The following NKAIN2 variants were observed in gnomAD, a reference collection of about 807,000 sequenced individuals.
NKAIN2 encodes sodium/potassium transporting ATPase interacting 2.
NKAIN2 carries 14 observed loss-of-function variants against 32.6 expected under a neutral mutation model. That is an observed-to-expected ratio of 0.43 (90% CI 0.28 to 0.67). NKAIN2 has a LOEUF of 0.67. NKAIN2 is among the 30% of genes least tolerant of loss of function. NKAIN2 has a pLI of 0.17. For synonymous variants in NKAIN2, 80 were observed against 87.2 expected (o/e 0.92, Z 0.46); for missense variants, 198 against 258.3 (o/e 0.77, Z 1.60).
chr6:124,133,596 GA>G (rs977226672), intron 1 of NKAIN2, among the ~76,000 whole-genome samples: 20 of 151,854 alleles, frequency 1.3e-4, no homozygotes, highest in Admixed American at 3.3e-4. Context: ...ATAAACACCA[GA>G]AAAAAAATTA....
At chr6:124,215,039 A>G (rs1344416727) in intron 1 of NKAIN2, among the ~76,000 whole-genome samples, 1 of 152,198 alleles carries the variant, frequency 6.6e-6, no homozygotes, top group East Asian at 1.9e-4. Context: ...GAAAAGAGAA[A>G]TAAATCAGAA....
At chr6:124,122,747 A>G (rs1404456333) in intron 1 of NKAIN2, among the ~76,000 whole-genome samples, 1 of 152,138 alleles carries the variant, frequency 6.6e-6, no homozygotes, top group East Asian at 1.9e-4. Flanking sequence ...TTAAAGTTTA[A>G]TAAGATAGTC....
chr6:124,309,198 C>T lies in NKAIN2; in HGVS notation c.192+26056C>T, dbSNP rs534203998. Among the ~76,000 whole-genome samples the T allele has an allele frequency of 3.3e-5, 5 of 152,226 alleles. No homozygotes were observed. The South Asian group carries it at 8.3e-4, about 25-fold the overall frequency. On this transcript the variant is annotated intron_variant, in intron 2 of 6. Transcript: ENST00000368417. The stretch of plus-strand genomic sequence containing the variant: ...TTTGGGAGTCCTCAAATCCAAACCA[C>T]TAATTTTAGATGAGTTATTGGAAGC...
At chr6:124,396,076 A>C (rs1336515016) in intron 3 of NKAIN2, among the ~76,000 whole-genome samples, 1 of 152,010 alleles carries the variant, frequency 6.6e-6, no homozygotes, top group Non-Finnish European at 1.5e-5. Context: ...TTATATATAC[A>C]TATCTCCAGG....
chr6:124,552,235 G>A (rs927283777), intron 3 of NKAIN2, among the ~76,000 whole-genome samples: 5 of 152,132 alleles, frequency 3.3e-5, no homozygotes, highest in Admixed American at 2.6e-4. Context: ...CAAACATGAG[G>A]GTAATTATTA....
intron 1 of NKAIN2, among the ~76,000 whole-genome samples, chr6:124,269,308 CA>C (rs1794638933): frequency 6.6e-6 from 1 of 152,124 alleles, no homozygotes; most frequent in African/African-American, 2.4e-5. Context: ...AGGGTTACTT[CA>C]AAGGGCACAG....
intron 1 of NKAIN2, among the ~76,000 whole-genome samples, chr6:123,837,063 G>A (rs545263842): frequency 3.9e-4 from 60 of 152,112 alleles, no homozygotes; most frequent in African/African-American, 1.1e-3. Flanking sequence ...CTCATTATAA[G>A]TATCAGAAGA....
chr6:123,876,644 G>A (rs1188358240), intron 1 of NKAIN2, among the ~76,000 whole-genome samples: 1 of 152,178 alleles, frequency 6.6e-6, no homozygotes, highest in Non-Finnish European at 1.5e-5. Flanking sequence ...GGAGCATGGA[G>A]GGTAGCAGAA....
At chr6:124,460,631 C>G (rs759396509) in intron 3 of NKAIN2, among the ~76,000 whole-genome samples, 2 of 151,646 alleles carry the variant, frequency 1.3e-5, no homozygotes, top group Non-Finnish European at 3.0e-5. Context: ...AGATCATATG[C>G]ATTTTTCTTT....
intron 5 of NKAIN2, among the ~76,000 whole-genome samples, chr6:124,799,834 T>C (rs768891517): frequency 5.3e-5 from 8 of 152,232 alleles, no homozygotes; most frequent in Non-Finnish European, 8.8e-5. Flanking sequence ...TTGATTTTGC[T>C]GACTCTGCTT....
At chr6:123,873,335 C>G (rs1260243137) in intron 1 of NKAIN2, among the ~76,000 whole-genome samples, 1 of 152,030 alleles carries the variant, frequency 6.6e-6, no homozygotes, top group Non-Finnish European at 1.5e-5. Flanking sequence ...GTTAGAAAAT[C>G]TGAAAGAAAT....
chr6:124,043,875 T>C (rs553337853), intron 1 of NKAIN2, among the ~76,000 whole-genome samples: 1 of 152,202 alleles, frequency 6.6e-6, no homozygotes, highest in Admixed American at 6.5e-5. Context: ...CAACAATGGA[T>C]CATACACATT....
At chr6:124,499,285 T>G (rs1778191885) in intron 3 of NKAIN2, among the ~76,000 whole-genome samples, 1 of 152,194 alleles carries the variant, frequency 6.6e-6, no homozygotes, top group Non-Finnish European at 1.5e-5. Context: ...AGACAGGCCC[T>G]ACTGGAAAAT....
At position 124,265,211 on chromosome 6, in the gene NKAIN2, G is replaced by T. The variant is rs571378466; in HGVS notation, c.55-17794G>T. ...ATAGAAAGATACATGCTTTCTTTAT[G>T]TTAGTTAAACTTTACATCATGTCTA... On this transcript the variant is annotated intron_variant, in intron 1 of 6. Coordinates refer to ENST00000368417, the MANE Select transcript of NKAIN2 (RefSeq NM_001040214.3). Among the ~76,000 whole-genome samples, 17 of 151,680 alleles carry T rather than the reference G, an allele frequency of 1.1e-4. No homozygotes were observed. The East Asian group carries it at 1.9e-3, about 17-fold the overall frequency.
At chr6:124,612,089 A>T (rs1782711447) in intron 3 of NKAIN2, among the ~76,000 whole-genome samples, 1 of 152,060 alleles carries the variant, frequency 6.6e-6, no homozygotes, top group East Asian at 1.9e-4. Context: ...GTTTTTAAAT[A>T]AATATCCAAC....
At chr6:124,406,056 GT>G (rs1463538180) in intron 3 of NKAIN2, among the ~76,000 whole-genome samples, 4 of 140,754 alleles carry the variant, frequency 2.8e-5, no homozygotes, top group African/African-American at 1.2e-4. Context: ...AAATGAGTAT[GT>G]TTTAAAGTTT....
intron 1 of NKAIN2, among the ~76,000 whole-genome samples, chr6:124,242,023 A>T (rs2114775112): frequency 6.6e-6 from 1 of 152,276 alleles, no homozygotes; most frequent in South Asian, 2.1e-4. Context: ...CACCAAAAGC[A>T]ATGGCAACAA....
At chr6:124,197,752 A>G (rs1202515625) in intron 1 of NKAIN2, among the ~76,000 whole-genome samples, 2 of 151,172 alleles carry the variant, frequency 1.3e-5, no homozygotes, top group Admixed American at 6.6e-5. Context: ...TTGGTAATCA[A>G]TCTCCTCTCT....
intron 1 of NKAIN2, among the ~76,000 whole-genome samples, chr6:123,931,649 T>C (rs1295231586): frequency 6.6e-6 from 1 of 152,160 alleles, no homozygotes; most frequent in Non-Finnish European, 1.5e-5. Flanking sequence ...CATCCTTTCT[T>C]CCATTCATTT....
Sources: allele counts gnomAD v4.1 joint callset (sites outside exome capture counted in the v4.1 genomes callset), GRCh38; gene constraint gnomAD v4.1.1; transcripts MANE v1.5; gene names NCBI Gene and HGNC (gene_info 2026-07-23, HGNC 2026-07-21).